Variants in PDE1C observed in about 807,000 individuals in gnomAD.
PDE1C encodes dual specificity calcium/calmodulin-dependent 3',5'-cyclic nucleotide phosphodiesterase 1C.
Under a neutral mutation model 93.1 loss-of-function variants are expected in PDE1C, and 62 were observed. The observed-to-expected ratio is 0.67, with a 90% CI of 0.54 to 0.82. The LOEUF (loss-of-function observed/expected upper bound fraction) is 0.82, where lower values mean the gene tolerates loss of function less well. Ranked by LOEUF, PDE1C falls within the 40% of genes least tolerant of loss-of-function variation. The pLI is 0.00. For missense variants in PDE1C, 742 were observed against 884.6 expected (o/e 0.84, Z 2.04); for synonymous variants, 325 against 310.1 (o/e 1.05, Z -0.50).
At chr7:32,322,274 C>T (rs1783308060) in intron 1 of PDE1C, among the ~76,000 whole-genome samples, 1 of 152,112 alleles carries the variant, frequency 6.6e-6, no homozygotes, top group African/African-American at 2.4e-5. Flanking sequence ...CATTCCTGGC[C>T]CACGTTCAAA....
chr7:32,279,827 A>G (rs1393815729), intron 1 of PDE1C, among the ~76,000 whole-genome samples: 1 of 152,180 alleles, frequency 6.6e-6, no homozygotes, highest in African/African-American at 2.4e-5. Context: ...GCAAAGTAAA[A>G]TAAATATATA....
At chr7:31,962,051 T>C (rs892169177) in intron 2 of PDE1C, among the ~76,000 whole-genome samples, 3 of 152,220 alleles carry the variant, frequency 2.0e-5, no homozygotes, top group African/African-American at 4.8e-5. Flanking sequence ...TATCTATCTA[T>C]AATGTCCAGA....
intron 1 of PDE1C, among the ~76,000 whole-genome samples, chr7:32,357,055 CG>C (rs1464818019): frequency 1.3e-5 from 2 of 152,152 alleles, no homozygotes; most frequent in Non-Finnish European, 2.9e-5. Flanking sequence ...AACTTTAGGC[CG>C]GGCTCAGTGG....
the PDE1C span, among the ~76,000 whole-genome samples, chr7:31,697,377 C>T: frequency 1.2e-4 from 18 of 152,176 alleles, no homozygotes; most frequent in South Asian, 2.1e-4. Context: ...ACTGAGCCAA[C>T]GGAATAGAAA....
At chr7:31,775,199 A>T (rs1056673913) in intron 17 of PDE1C, among the ~76,000 whole-genome samples, 1 of 152,196 alleles carries the variant, frequency 6.6e-6, no homozygotes, top group African/African-American at 2.4e-5. Context: ...ACTGGGCTAA[A>T]TTTACAAGCA....
In PDE1C at chr7:32,129,403, A is replaced by T. The variant is rs559636267; in HGVS notation, c.308+40382T>A. ...TCTGGGTATTGGAATTACATTTTTT[A>T]AATTTTATTTTTGATTAACTTGTAC... is the stretch of plus-strand genomic sequence containing the variant. On this transcript the variant is annotated intron_variant, in intron 3 of 18. Transcript: ENST00000396193. Among the ~76,000 whole-genome samples the T allele has an allele frequency of 1.1e-4, 14 of 126,138 alleles. 2 individuals are homozygous for T. The East Asian group carries it at 4.1e-3, about 37-fold the overall frequency. The allele number at this position is 126,138 out of a possible 152,430, so 82.8% of individuals were successfully genotyped here. A position where few individuals can be genotyped will look rare whatever the true frequency, so the allele number is the denominator to read the frequency against.
At chr7:32,203,939 A>G (rs778162285) in intron 2 of PDE1C, among the ~76,000 whole-genome samples, 1 of 152,230 alleles carries the variant, frequency 6.6e-6, no homozygotes, top group Non-Finnish European at 1.5e-5. Flanking sequence ...TTCTTTATTA[A>G]GTCAAGAACT....
chr7:31,780,681 C>T (rs1783337355), intron 16 of PDE1C, among the ~76,000 whole-genome samples: 2 of 152,144 alleles, frequency 1.3e-5, no homozygotes, highest in Admixed American at 1.3e-4. Context: ...TTGCGAGCAT[C>T]AAGTAAGAGT....
chr7:32,050,659 C>A (rs1793228893), intron 2 of PDE1C, among the ~76,000 whole-genome samples: 1 of 151,840 alleles, frequency 6.6e-6, no homozygotes, highest in Non-Finnish European at 1.5e-5. Context: ...TGAATAAATT[C>A]CACGAGGAAG....
At chr7:32,103,477 T>A (rs1443595539) in intron 3 of PDE1C, among the ~76,000 whole-genome samples, 1 of 152,120 alleles carries the variant, frequency 6.6e-6, no homozygotes, top group East Asian at 1.9e-4. Context: ...TATGCCCAGG[T>A]AGCAGACTAA....
chr7:32,031,996 CTT>C (rs1790390630), intron 2 of PDE1C, among the ~76,000 whole-genome samples: 3 of 151,874 alleles, frequency 2.0e-5, no homozygotes, highest in Non-Finnish European at 2.9e-5. Flanking sequence ...GGCCACCTGA[CTT>C]TGTGCACAAC....
chr7:32,110,628 C>T (rs1444033586), intron 3 of PDE1C, among the ~76,000 whole-genome samples: 1 of 152,172 alleles, frequency 6.6e-6, no homozygotes, highest in Non-Finnish European at 1.5e-5. Flanking sequence ...GATTAAGCCA[C>T]AGAGATGGGT....
At chr7:31,949,295 C>A (rs1807044108) in intron 2 of PDE1C, among the ~76,000 whole-genome samples, 1 of 152,028 alleles carries the variant, frequency 6.6e-6, no homozygotes, top group African/African-American at 2.4e-5. Context: ...CTCATTTCTA[C>A]TAAAAATGCA....
intron 1 of PDE1C, among the ~76,000 whole-genome samples, chr7:32,244,465 G>A (rs533528798): frequency 3.9e-5 from 6 of 152,298 alleles, no homozygotes; most frequent in Admixed American, 6.5e-5. Context: ...AAGAAGAGGC[G>A]TCTGTGAGTC....
At chr7:31,836,993 C>A (rs890876989) in intron 11 of PDE1C, among the ~76,000 whole-genome samples, 187 bp downstream of exon 11, 4 of 152,110 alleles carry the variant, frequency 2.6e-5, no homozygotes, top group African/African-American at 9.7e-5. Context: ...ACCATAATGT[C>A]CTAAAAAGCA....
At chr7:32,015,450 G>A (rs1787765135) in intron 2 of PDE1C, among the ~76,000 whole-genome samples, 1 of 152,088 alleles carries the variant, frequency 6.6e-6, no homozygotes, top group African/African-American at 2.4e-5. Context: ...GGGACTACAA[G>A]TAATCAATGT....
Position 32,328,395 on chromosome 7 carries a change from T to C in PDE1C, c.310+99427A>G, listed in dbSNP as rs534495439. Among the ~76,000 whole-genome samples the C allele has an allele frequency of 7.2e-5, 11 of 152,298 alleles. No individual in the cohort carries two copies. The South Asian group carries it at 2.3e-3, about 32-fold the overall frequency. On this transcript the variant is annotated intron_variant, in intron 1 of 1. Transcript: ENST00000672256. The stretch of plus-strand genomic sequence containing the variant: ...GTACACTATTTCCCTTCTTAAAACA[T>C]TGTGATGGCTCCCAGCTACAGTCAG...
intron 2 of PDE1C, among the ~76,000 whole-genome samples, chr7:31,889,962 C>T (rs914409453): frequency 7.2e-5 from 11 of 151,804 alleles, no homozygotes; most frequent in Admixed American, 4.6e-4. Context: ...TCAACTCACA[C>T]ATTTTGTTAA....
intron 1 of PDE1C, among the ~76,000 whole-genome samples, chr7:32,332,032 T>C (rs1439433963): frequency 6.6e-6 from 1 of 152,084 alleles, no homozygotes; most frequent in East Asian, 1.9e-4. Flanking sequence ...GTAATCAAGG[T>C]AAACCAAGAT....
Sources: gnomAD v4.1 joint callset for allele counts (sites outside exome capture counted in the v4.1 genomes callset) on GRCh38, gnomAD v4.1.1 for gene constraint, MANE v1.5 for transcripts, NCBI Gene and HGNC (gene_info 2026-07-23, HGNC 2026-07-21) for gene names.